Variants in MRPL43 observed in about 807,000 individuals in gnomAD.
MRPL43 encodes the protein mitochondrial ribosomal protein L43.
A neutral mutation model predicts 12.7 loss-of-function variants in MRPL43; 9 were observed. That is an observed-to-expected ratio of 0.71 (90% confidence interval 0.43 to 1.24). MRPL43 has a LOEUF of 1.24. Ranked by LOEUF, MRPL43 falls within the 50% of genes most tolerant of loss-of-function variation. The pLI is 0.00. For missense variants in MRPL43, 211 were observed against 229.2 expected (o/e 0.92, Z 0.51); for synonymous variants, 116 against 96.4 (o/e 1.20, Z -1.19).
downstream of MRPL43, chr10:100,980,089 C>A (rs754063919): frequency 1.2e-6 from 2 of 1,611,692 alleles, no homozygotes; most frequent in East Asian, 2.2e-5. Flanking sequence ...GTGGTGGAGT[C>A]CCGAGGTTCA....
chr10:100,985,006 T>C (rs1172757131), downstream of MRPL43: 2 of 1,223,950 alleles, frequency 1.6e-6, no homozygotes, highest in Non-Finnish European at 2.2e-6. Context: ...CCTTGCTGTC[T>C]TGGACCTGTC....
At chr10:100,979,880 A>G (rs1187494537), downstream of MRPL43, 2 of 1,613,862 alleles carry the variant, frequency 1.2e-6, no homozygotes, top group African/African-American at 2.7e-5. Context: ...ATCTGCCGCT[A>G]TGACCTGGCA....
downstream of MRPL43, chr10:100,980,005 G>C: frequency 6.2e-7 from 1 of 1,613,976 alleles, no homozygotes; most frequent in Non-Finnish European, 8.5e-7. Flanking sequence ...GAGTGCCCAG[G>C]CCTGGGGCCA....
chr10:100,984,861 C>T (rs999055334), downstream of MRPL43: 2 of 1,491,708 alleles, frequency 1.3e-6, no homozygotes, highest in South Asian at 1.3e-5. Context: ...GAATCAGCCT[C>T]CCCACTCTCC....
chr10:100,984,411 C>A, downstream of MRPL43: 1 of 1,467,482 alleles, frequency 6.8e-7, no homozygotes, highest in Non-Finnish European at 9.0e-7. Context: ...AGTTCCTATC[C>A]CCTAACCTAA....
downstream of MRPL43, chr10:100,981,687 C>A: frequency 1.0e-6 from 1 of 992,838 alleles, no homozygotes; most frequent in Non-Finnish European, 1.5e-6. Context: ...ATTATTATCC[C>A]CATGAGGGAC....
chr10:100,986,777 C>A lies in MRPL43; in HGVS notation c.437G>T (p.Arg146Leu), dbSNP rs752700572. The change falls in exon 3 of 3, where the codon CGA becomes CTA. Residue 146 changes from arginine (R) to leucine (L), a missense_variant. Physicochemically the swap from Arg to Leu is moderately radical, Grantham distance 102. Coordinates refer to ENST00000318364, the MANE Select transcript of MRPL43 (RefSeq NM_032112.3). ...GGCTGGGGCAGGATCCTGAACCTCTCGGGGGCGTAGCCCGCGGAACGTGGT... is the reference window on the plus strand; with the variant it reads ...GGCTGGGGCAGGATCCTGAACCTCTAGGGGGCGTAGCCCGCGGAACGTGGT... ...KPTTFRGLRP[R>L]EVQDPAPAQV... The A allele has an allele frequency of 1.2e-6, 2 of 1,613,604 alleles. No homozygotes were observed. Among genetic ancestry groups the A allele is most frequent in the South Asian group, 2.2e-5 (2 of 91,072 alleles).
downstream of MRPL43, chr10:100,981,175 C>A: frequency 6.2e-7 from 1 of 1,614,228 alleles, no homozygotes; most frequent in Non-Finnish European, 8.5e-7. Flanking sequence ...CAGGACAGCA[C>A]TGATACAGGA....
downstream of MRPL43, chr10:100,977,877 G>A (rs1850869580): frequency 1.7e-5 from 11 of 662,766 alleles, no homozygotes; most frequent in South Asian, 1.1e-4. Flanking sequence ...CAGTGGCGGC[G>A]GGCTGCACTG....
chr10:100,977,994 AGG>A (rs938983852), downstream of MRPL43: 2 of 568,058 alleles, frequency 3.5e-6, no homozygotes, highest in African/African-American at 3.8e-5. Context: ...CCCAAAACAA[AGG>A]GCCTTGATCC....
At chr10:100,979,796 G>A, downstream of MRPL43, 1 of 1,600,920 alleles carries the variant, frequency 6.2e-7, no homozygotes, top group Non-Finnish European at 8.5e-7. Flanking sequence ...CGAGTTGGGG[G>A]GCAGGCTTGA....
At chr10:100,979,303 C>T, downstream of MRPL43, 1 of 1,614,160 alleles carries the variant, frequency 6.2e-7, no homozygotes, top group Non-Finnish European at 8.5e-7. Flanking sequence ...AGGCAAGAAA[C>T]TGCGGACAGC....
At chr10:100,987,227 C>T (rs112962686) in intron 1 of MRPL43, 31 bp from the exon 2 acceptor site, 2 of 1,613,234 alleles carry the variant, frequency 1.2e-6, no homozygotes, top group East Asian at 2.2e-5. Context: ...AGCAGTATGA[C>T]CCCTGACTGG....
chr10:100,986,898 C>G lies in MRPL43; in HGVS notation c.316G>C (p.Asp106His), dbSNP rs570996334. The change falls in exon 3 of 3, where the codon GAC becomes CAC. Residue 106 changes from aspartate to histidine, a missense_variant. Asp to His is a moderately conservative substitution (Grantham distance 81). Transcript: ENST00000318364. ...CGGATCACGTCCAAGCCCGACTGGT[C>G]GGCCAGCTTCTGCACCAGCGTCGAG... ...EISTLVQKLA[D>H]QSGLDVIRIR... is the part of the protein sequence containing the mutation. The G allele has an allele frequency of 1.2e-6, 2 of 1,612,480 alleles. No homozygotes were observed. The highest frequency in any genetic ancestry group is 2.2e-5 in the East Asian group (1 of 44,866).
rs761697716 is a variant in MRPL43, at chr10:100,987,105, C to T, written c.223G>A (p.Val75Ile). ...VNSRPCCVPR[V>I]VAEYLNGAVR... ...CCCCACTCACGGTATTCGGCCACTA[C>T]TCTGGGCACGCAGCACGGACGCGAG... The change falls in exon 2 of 3, where the codon GTA becomes ATA. Residue 75 changes from valine (V) to isoleucine (I), a missense_variant. By Grantham distance (29) the Val-to-Ile change is conservative. Coordinates refer to ENST00000318364, the MANE Select transcript of MRPL43 (RefSeq NM_032112.3). 40 of 1,613,628 alleles carry T rather than the reference C, an allele frequency of 2.5e-5. No homozygotes were observed. The highest frequency in any genetic ancestry group is 3.3e-5 in the Non-Finnish European group (39 of 1,180,046).
chr10:100,978,633 G>T, downstream of MRPL43: 1 of 1,613,202 alleles, frequency 6.2e-7, no homozygotes, highest in Non-Finnish European at 8.5e-7. Context: ...CAATGCATTG[G>T]CTCAATGGTT....
chr10:100,987,287 G>A (rs1402706386), intron 1 of MRPL43, 26 bp downstream of exon 1: 10 of 1,611,754 alleles, frequency 6.2e-6, no homozygotes, highest in Admixed American at 1.7e-5. Flanking sequence ...ACCCCGACCC[G>A]CGCCTGCGCA....
chr10:100,985,926 C>G (rs868068771), downstream of MRPL43: 3 of 152,348 alleles, frequency 2.0e-5, no homozygotes, highest in Non-Finnish European at 4.4e-5. Flanking sequence ...CACCATCCCC[C>G]CTTTTTAAAC....
chr10:100,982,876 G>A (rs2133898576), downstream of MRPL43, among the ~76,000 whole-genome samples: 1 of 152,340 alleles, frequency 6.6e-6, no homozygotes, highest in South Asian at 2.1e-4. Context: ...TGTGGCTGGT[G>A]GTGCCATTCA....
Sources: gnomAD v4.1 joint callset for allele counts (sites outside exome capture counted in the v4.1 genomes callset) on GRCh38, gnomAD v4.1.1 for gene constraint, MANE v1.5 for transcripts, NCBI Gene and HGNC (gene_info 2026-07-23, HGNC 2026-07-21) for gene names.